The following CNTN4 variants were observed in gnomAD, a reference collection of about 807,000 sequenced individuals.
CNTN4 encodes contactin-4.
CNTN4 carries 77 observed loss-of-function variants against 122.5 expected under a neutral mutation model. The ratio of observed to expected loss-of-function variants is 0.63; its 90% CI spans 0.52 to 0.76. The LOEUF (loss-of-function observed/expected upper bound fraction) is 0.76. CNTN4 is among the 30% of genes least tolerant of loss of function. The probability of loss-of-function intolerance (pLI) is 0.00; values close to 1 mark genes in which losing one functional copy is unlikely to be tolerated. For synonymous variants in CNTN4, 512 were observed against 447.0 expected, an observed-to-expected ratio of 1.15 and a Z score of -1.83; for missense variants, 1,256 against 1,259.1, an observed-to-expected ratio of 1.00 and a Z score of 0.04.
chr3:2,677,295 C>G (rs771368922), intron 4 of CNTN4, among the ~76,000 whole-genome samples: 8 of 149,432 alleles, frequency 5.4e-5, no homozygotes, highest in Non-Finnish European at 7.4e-5. Context: ...CACCAGACAT[C>G]CAGTGAATAC....
intron 4 of CNTN4, among the ~76,000 whole-genome samples, chr3:2,620,422 C>G (rs1048083645): frequency 4.6e-5 from 7 of 152,068 alleles, no homozygotes; most frequent in Non-Finnish European, 7.4e-5. Context: ...ATCACCTGAG[C>G]CCAGCAGGTT....
intron 3 of CNTN4, among the ~76,000 whole-genome samples, chr3:2,491,360 G>A (rs183063991): frequency 3.7e-4 from 56 of 152,188 alleles, no homozygotes; most frequent in Non-Finnish European, 6.6e-4. Context: ...GATGCCTTAC[G>A]CTCTAATGGG....
At chr3:2,654,811 C>T (rs2083511061) in intron 4 of CNTN4, among the ~76,000 whole-genome samples, 1 of 152,110 alleles carries the variant, frequency 6.6e-6, no homozygotes, top group African/African-American at 2.4e-5. Context: ...AATCTGCAGG[C>T]CTTCCTGGAA....
At chr3:2,291,253 G>A (rs149585568) in intron 2 of CNTN4, among the ~76,000 whole-genome samples, 12 of 152,062 alleles carry the variant, frequency 7.9e-5, no homozygotes, top group African/African-American at 1.9e-4. Context: ...TTCGTCCCCA[G>A]TGCTAAGTAC....
chr3:2,553,960 A>G (rs574512222), intron 3 of CNTN4, among the ~76,000 whole-genome samples: 1 of 152,276 alleles, frequency 6.6e-6, no homozygotes, highest in African/African-American at 2.4e-5. Context: ...ACCAGGAGTT[A>G]AAGCTATGTG....
At chr3:2,171,661 A>G (rs1412814614) in intron 2 of CNTN4, among the ~76,000 whole-genome samples, 1 of 152,224 alleles carries the variant, frequency 6.6e-6, no homozygotes, top group East Asian at 1.9e-4. Flanking sequence ...TCTGAATGAC[A>G]TATCCCAAAG....
chr3:2,186,265 C>G (rs1429119993), intron 2 of CNTN4, among the ~76,000 whole-genome samples: 1 of 152,036 alleles, frequency 6.6e-6, no homozygotes, highest in Non-Finnish European at 1.5e-5. Context: ...TGAACTCATC[C>G]TTTTTTATGG....
intron 6 of CNTN4, among the ~76,000 whole-genome samples, chr3:2,785,138 C>CACATAT (rs140652217): frequency 1.6e-4 from 22 of 136,288 alleles, no homozygotes; most frequent in South Asian, 1.3e-3. Flanking sequence ...CACACACACA[C>CACATAT]ATATATATAG....
intron 11 of CNTN4, 114 bp from the exon 12 acceptor site, chr3:2,902,762 A>T (rs1348058778): frequency 7.3e-6 from 8 of 1,090,810 alleles, no homozygotes; most frequent in Admixed American, 2.0e-5. Context: ...TAAATTGCTT[A>T]TATGATGGCT....
rs1230752225 is a variant in CNTN4 at position 2,536,379 on chromosome 3, G to T, written c.-88-35037G>T. ...CATCATTGTATCTCCCCAGTGACTG[G>T]TGGTGATATTTGACTTCATATACTG... On this transcript the variant is annotated intron_variant, in intron 3 of 24. Transcript: ENST00000418658. Among the ~76,000 whole-genome samples the T allele has an allele frequency of 2.0e-5, 3 of 152,062 alleles. 1 individual carries two copies. The highest frequency in any genetic ancestry group is 4.4e-5 in the Non-Finnish European group (3 of 68,010).
intron 2 of CNTN4, among the ~76,000 whole-genome samples, chr3:2,188,055 A>C (rs1040509749): frequency 3.3e-5 from 5 of 152,142 alleles, no homozygotes; most frequent in African/African-American, 1.2e-4. Flanking sequence ...AAGTGCCTGG[A>C]TCAAGGAAGG....
At chr3:2,613,443 G>GA (rs200788454) in intron 4 of CNTN4, among the ~76,000 whole-genome samples, 1 of 151,212 alleles carries the variant, frequency 6.6e-6, no homozygotes, top group Admixed American at 6.6e-5. Flanking sequence ...GATTCCAGTA[G>GA]AAAAAAAAGA....
intron 6 of CNTN4, among the ~76,000 whole-genome samples, chr3:2,747,622 A>AAAAC (rs1184980989): frequency 6.6e-6 from 1 of 152,244 alleles, no homozygotes; most frequent in South Asian, 2.1e-4. Flanking sequence ...AAAACAAAAC[A>AAAAC]AAACAAACAA....
chr3:2,532,070 C>T (rs2077616773), intron 3 of CNTN4, among the ~76,000 whole-genome samples: 1 of 152,166 alleles, frequency 6.6e-6, no homozygotes, highest in Non-Finnish European at 1.5e-5. Flanking sequence ...TCACACTGGA[C>T]TTTTCATGTC....
chr3:2,867,244 G>A (rs573272251), intron 8 of CNTN4, among the ~76,000 whole-genome samples: 14 of 152,246 alleles, frequency 9.2e-5, no homozygotes, highest in African/African-American at 3.4e-4. Context: ...CACTTAAACT[G>A]TATACACAGT....
At chr3:2,632,439 G>T (rs1448779080) in intron 4 of CNTN4, among the ~76,000 whole-genome samples, 3 of 152,132 alleles carry the variant, frequency 2.0e-5, no homozygotes, top group Admixed American at 6.6e-5. Flanking sequence ...GGGTCATGTT[G>T]TACGTAAAAT....
intron 3 of CNTN4, among the ~76,000 whole-genome samples, chr3:2,558,667 C>G (rs1288228695): frequency 1.3e-5 from 2 of 152,090 alleles, no homozygotes; most frequent in East Asian, 3.8e-4. Flanking sequence ...CCCACATTAG[C>G]TTTAGACAAA....
intron 14 of CNTN4, among the ~76,000 whole-genome samples, chr3:3,019,901 A>G (rs1262112727): frequency 6.6e-6 from 1 of 151,240 alleles, no homozygotes; most frequent in Non-Finnish European, 1.5e-5. Flanking sequence ...TGAGGAGTGT[A>G]TATGAAGGTG....
chr3:2,655,876 G>A (rs763153622), intron 4 of CNTN4, among the ~76,000 whole-genome samples: 4 of 152,078 alleles, frequency 2.6e-5, no homozygotes, highest in Non-Finnish European at 4.4e-5. Context: ...TTTTTAACTT[G>A]CAAATATCTG....
Sources: gnomAD v4.1 joint callset for allele counts (sites outside exome capture counted in the v4.1 genomes callset) on GRCh38, gnomAD v4.1.1 for gene constraint, MANE v1.5 for transcripts, NCBI Gene and HGNC (gene_info 2026-07-23, HGNC 2026-07-21) for gene names.